Variants in DSE observed in about 807,000 individuals in gnomAD.
DSE encodes the protein dermatan-sulfate epimerase.
DSE carries 36 observed loss-of-function variants against 84.4 expected under a neutral mutation model. The observed-to-expected ratio is 0.43, with a 90% CI of 0.33 to 0.56. DSE has a LOEUF of 0.56. Ranked by LOEUF, DSE falls within the 20% of genes least tolerant of loss-of-function variation. DSE has a pLI of 0.06. For missense variants in DSE, 862 were observed against 1,169.6 expected (o/e 0.74, Z 3.84); for synonymous variants, 410 against 430.1 (o/e 0.95, Z 0.58).
chr6:116,314,030 C>G (rs939492397), intron 2 of DSE, among the ~76,000 whole-genome samples: 15 of 152,168 alleles, frequency 9.9e-5, no homozygotes, highest in Non-Finnish European at 2.2e-4. Context: ...TTACATTTTA[C>G]TTATCTTTGT....
intron 2 of DSE, among the ~76,000 whole-genome samples, chr6:116,350,029 T>G (rs2044736105): frequency 6.6e-6 from 1 of 152,190 alleles, no homozygotes; most frequent in Non-Finnish European, 1.5e-5. Context: ...TGCATAGTCT[T>G]TTTAAAAAAA....
At chr6:116,336,726 G>T (rs1021066566) in intron 2 of DSE, among the ~76,000 whole-genome samples, 1 of 145,758 alleles carries the variant, frequency 6.9e-6, no homozygotes, top group African/African-American at 2.6e-5. Context: ...TTGCACTCCA[G>T]CCTGGGCAAC....
intron 2 of DSE, chr6:116,279,410 C>G (rs1773347179): frequency 1.2e-6 from 2 of 1,613,350 alleles, no homozygotes; most frequent in Non-Finnish European, 1.7e-6. Flanking sequence ...AGCTCAGACG[C>G]GGATCTCTGG....
intron 1 of DSE, among the ~76,000 whole-genome samples, chr6:116,395,805 G>A (rs1781217950): frequency 1.3e-5 from 2 of 152,086 alleles, no homozygotes; most frequent in Non-Finnish European, 2.9e-5. Flanking sequence ...TAGAGTGGAA[G>A]GTCAAAGAGA....
upstream of DSE, chr6:116,369,992 G>A (rs955701573): frequency 7.9e-7 from 1 of 1,272,034 alleles, no homozygotes; most frequent in Non-Finnish European, 1.0e-6. Context: ...TGCACACACT[G>A]GGTGGAGGTG....
At chr6:116,321,691 T>C (rs530165648) in intron 2 of DSE, among the ~76,000 whole-genome samples, 1 of 152,164 alleles carries the variant, frequency 6.6e-6, no homozygotes, top group African/African-American at 2.4e-5. Context: ...GGAGAATCGA[T>C]TGAACCCGGG....
chr6:116,301,398 T>C (rs1775032070), intron 2 of DSE, among the ~76,000 whole-genome samples: 1 of 152,182 alleles, frequency 6.6e-6, no homozygotes, highest in South Asian at 2.1e-4. Context: ...GCAGGGAGGT[T>C]CCGTCTGCTC....
chr6:116,420,930 T>C (rs1472452198), intron 2 of DSE, among the ~76,000 whole-genome samples: 2 of 152,226 alleles, frequency 1.3e-5, no homozygotes, highest in African/African-American at 4.8e-5. Context: ...ACTATTATAC[T>C]CCATACATAA....
rs1006572009 is a variant in DSE at position 116,268,637 on chromosome 6, A to G, written c.-54+9670A>G. The stretch of plus-strand genomic sequence containing the variant: ...ACCAGCTGCAGCCCTATTCATCGTA[A>G]TAACCAAAATTACTACTGAAAATTT... On this transcript the variant is annotated intron_variant, in intron 2 of 3. Transcript: ENST00000430252. Among the ~76,000 whole-genome samples, 15 of 152,334 alleles carry G rather than the reference A, an allele frequency of 9.8e-5. 1 individual carries two copies. The South Asian group carries it at 3.1e-3, about 32-fold the overall frequency.
At chr6:116,330,832 A>T (rs994166517) in intron 2 of DSE, among the ~76,000 whole-genome samples, 6 of 152,216 alleles carry the variant, frequency 3.9e-5, no homozygotes, top group African/African-American at 1.4e-4. Context: ...AAGAACATGA[A>T]CATTAAATGA....
At chr6:116,358,200 ATTTT>A (rs1778685605) in intron 2 of DSE, among the ~76,000 whole-genome samples, 3 of 152,078 alleles carry the variant, frequency 2.0e-5, no homozygotes, top group Admixed American at 2.0e-4. Context: ...CTTGTAGGTG[ATTTT>A]TTTGTTTGTT....
chr6:116,285,903 A>G (rs1773874057), intron 2 of DSE, among the ~76,000 whole-genome samples: 1 of 152,156 alleles, frequency 6.6e-6, no homozygotes, highest in Admixed American at 6.5e-5. Flanking sequence ...TACCAGTACC[A>G]TGCTGTTTTG....
chr6:116,342,234 T>C (rs991142048), intron 2 of DSE, among the ~76,000 whole-genome samples: 4 of 151,926 alleles, frequency 2.6e-5, no homozygotes, highest in Non-Finnish European at 4.4e-5. Flanking sequence ...TTGTAGTAAG[T>C]TTGGATTCTA....
At chr6:116,331,316 G>A (rs893981392) in intron 2 of DSE, among the ~76,000 whole-genome samples, 2 of 152,138 alleles carry the variant, frequency 1.3e-5, no homozygotes, top group Admixed American at 6.5e-5. Context: ...GCAGGGCTGG[G>A]GAGGCCTCAT....
At chr6:116,390,538 A>C (rs1460600832) in intron 1 of DSE, among the ~76,000 whole-genome samples, 1 of 152,256 alleles carries the variant, frequency 6.6e-6, no homozygotes, top group Non-Finnish European at 1.5e-5. Flanking sequence ...CAGCATAAAA[A>C]ATACACTTAA....
At chr6:116,383,971 G>C (rs1780420024) in intron 1 of DSE, among the ~76,000 whole-genome samples, 1 of 152,096 alleles carries the variant, frequency 6.6e-6, no homozygotes, top group Non-Finnish European at 1.5e-5. Context: ...TGTAGATGTA[G>C]AAGAAATAAT....
intron 2 of DSE, among the ~76,000 whole-genome samples, chr6:116,425,323 CAT>C (rs1198326312): frequency 1.3e-5 from 2 of 152,160 alleles, no homozygotes; most frequent in African/African-American, 2.4e-5. Context: ...AGGTTCATGG[CAT>C]AGAAATGTTA....
At chr6:116,329,588 A>G (rs1776818093) in intron 2 of DSE, among the ~76,000 whole-genome samples, 2 of 152,240 alleles carry the variant, frequency 1.3e-5, no homozygotes, top group Non-Finnish European at 1.5e-5. Context: ...TAAAGATTTC[A>G]TCACTATTTC....
chr6:116,304,206 G>A (rs188768592), intron 2 of DSE, among the ~76,000 whole-genome samples: 34 of 152,108 alleles, frequency 2.2e-4, no homozygotes, highest in Admixed American at 1.5e-3. Flanking sequence ...TTCCAGATAC[G>A]AAGTGTCAAA....
Sources: gnomAD v4.1 joint callset for allele counts (sites outside exome capture counted in the v4.1 genomes callset) on GRCh38, gnomAD v4.1.1 for gene constraint, MANE v1.5 for transcripts, NCBI Gene and HGNC (gene_info 2026-07-23, HGNC 2026-07-21) for gene names.